Variants in ERI3 observed in about 807,000 individuals in gnomAD.
ERI3 encodes the protein ERI1 exoribonuclease family member 3.
Under a neutral mutation model 44.4 loss-of-function variants are expected in ERI3, and 18 were observed. The ratio of observed to expected loss-of-function variants is 0.41; its 90% confidence interval spans 0.28 to 0.60. The LOEUF (loss-of-function observed/expected upper bound fraction) is 0.60, where lower values mean the gene tolerates loss of function less well. ERI3 is among the 20% of genes least tolerant of loss of function. The pLI is 0.36. For missense variants in ERI3, 294 were observed against 435.5 expected, an observed-to-expected ratio of 0.68 and a Z score of 2.89; for synonymous variants, 183 against 164.8, an observed-to-expected ratio of 1.11 and a Z score of -0.84.
chr1:44,256,050 G>GCTGAGAGGTTC (rs1247519471), intron 7 of ERI3, among the ~76,000 whole-genome samples: 17 of 152,116 alleles, frequency 1.1e-4, no homozygotes, highest in Non-Finnish European at 2.4e-4. Context: ...CTCCCATTAT[G>GCTGAGAGGTTC]CTGAGAGGTT....
chr1:44,286,938 C>T (rs923161949), intron 6 of ERI3, among the ~76,000 whole-genome samples: 1 of 152,160 alleles, frequency 6.6e-6, no homozygotes, highest in African/African-American at 2.4e-5. Flanking sequence ...CCAACCTATC[C>T]CCATTCCCAA....
At chr1:44,323,558 C>G (rs76908187) in intron 3 of ERI3, among the ~76,000 whole-genome samples, 9 of 152,226 alleles carry the variant, frequency 5.9e-5, no homozygotes, top group African/African-American at 2.2e-4. Flanking sequence ...TGAAAGGTGG[C>G]TCCTCTCTCT....
chr1:44,235,490 T>C lies in ERI3; in HGVS notation c.931+12449A>G, dbSNP rs963042649. Reference sequence around the variant, plus strand: ...CACCTCCTGCTAGACCATGAACTCTTTGAGGGCACAGGTGTTATCCACAGA... The same window carrying C: ...CACCTCCTGCTAGACCATGAACTCTCTGAGGGCACAGGTGTTATCCACAGA... On this transcript the variant is annotated intron_variant, in intron 8 of 8. Coordinates refer to ENST00000372257, the MANE Select transcript of ERI3 (RefSeq NM_024066.3). The surrounding 1 kb of genome is among the most constrained non-coding windows in gnomAD (Gnocchi z 4.6). Among the ~76,000 whole-genome samples the C allele has an allele frequency of 1.3e-5, 2 of 152,088 alleles. No individual in the cohort carries two copies. Among genetic ancestry groups the C allele is most frequent in the African/African-American group, 2.4e-5 (1 of 41,396 alleles).
chr1:44,327,643 A>G (rs1646342694), intron 3 of ERI3, among the ~76,000 whole-genome samples: 1 of 152,186 alleles, frequency 6.6e-6, no homozygotes. Flanking sequence ...TTTGGAATCT[A>G]TGCTTTTAAC....
intron 7 of ERI3, among the ~76,000 whole-genome samples, chr1:44,256,183 G>A (rs1644776388): frequency 6.6e-6 from 1 of 152,070 alleles, no homozygotes; most frequent in Admixed American, 6.5e-5. Flanking sequence ...TACCAAGCCT[G>A]GAGGCCTGGT....
At chr1:44,283,387 A>G (rs1344627023) in intron 7 of ERI3, among the ~76,000 whole-genome samples, 1 of 152,178 alleles carries the variant, frequency 6.6e-6, no homozygotes, top group African/African-American at 2.4e-5. Flanking sequence ...TTCAACTGAG[A>G]TAAGTGATTT....
rs547640431 is a variant in ERI3, at chr1:44,263,461, T to C, written c.832-15423A>G. Among the ~76,000 whole-genome samples, 50 of 152,340 alleles carry C rather than the reference T, an allele frequency of 3.3e-4. No individual in the cohort carries two copies. The East Asian group carries it at 8.1e-3, about 25-fold the overall frequency. ...GTTCCAGAAACTTGGAATGGATCTCTGGTCCTTCTTCCACTAAGAGCCTGT... is the reference window on the plus strand; with the variant it reads ...GTTCCAGAAACTTGGAATGGATCTCCGGTCCTTCTTCCACTAAGAGCCTGT... On this transcript the variant is annotated intron_variant, in intron 7 of 8. Transcript: ENST00000372257.
In ERI3 at chr1:44,259,744, C is replaced by T. The variant is rs186953944; in HGVS notation, c.832-11706G>A. On this transcript the variant is annotated intron_variant, in intron 7 of 8. Coordinates refer to ENST00000372257, the MANE Select transcript of ERI3 (RefSeq NM_024066.3). ...CACACAAATTAGCCAGGCATGGTGA[C>T]GTGCACCTGTGATCCTAGTTACTAG... Among the ~76,000 whole-genome samples, 7 of 135,358 alleles carry T rather than the reference C, an allele frequency of 5.2e-5. No individual in the cohort carries two copies. The East Asian group carries it at 8.6e-4, about 17-fold the overall frequency. 88.8% of individuals were successfully genotyped at this position (135,358 alleles called of 152,430 possible).
intron 1 of ERI3, chr1:44,354,449 G>A (rs1646956221): frequency 2.0e-6 from 2 of 985,250 alleles, no homozygotes; most frequent in South Asian, 9.4e-5. Context: ...GAAAACACCT[G>A]TTGCTGGACC....
intron 7 of ERI3, chr1:44,284,100 C>T (rs1416206923): frequency 2.1e-6 from 1 of 470,502 alleles, no homozygotes; most frequent in East Asian, 6.9e-5. Flanking sequence ...GGGGGTGAGT[C>T]TCCCTAGTGG....
chr1:44,337,399 G>C (rs145528774), intron 3 of ERI3, among the ~76,000 whole-genome samples: 315 of 152,304 alleles, frequency 2.1e-3, no homozygotes, highest in African/African-American at 7.3e-3. Context: ...CAACATGGGA[G>C]AATCTTAATA....
intron 7 of ERI3, among the ~76,000 whole-genome samples, chr1:44,269,451 C>T (rs542489467): frequency 1.3e-5 from 2 of 152,324 alleles, no homozygotes; most frequent in East Asian, 3.9e-4. Flanking sequence ...GGCACATTCA[C>T]CCACATTCCC....
intron 7 of ERI3, among the ~76,000 whole-genome samples, chr1:44,251,232 T>G (rs1421129339): frequency 6.6e-6 from 1 of 152,232 alleles, no homozygotes; most frequent in Non-Finnish European, 1.5e-5. Context: ...CACCACTCAC[T>G]TTTAAAGCCC....
chr1:44,251,427 T>C (rs1253878613), intron 7 of ERI3, among the ~76,000 whole-genome samples: 1 of 152,224 alleles, frequency 6.6e-6, no homozygotes, highest in Non-Finnish European at 1.5e-5. Flanking sequence ...CTGGGAGTCC[T>C]GATCAGGGTG....
intron 4 of ERI3, 62 bp downstream of exon 4, chr1:44,319,566 G>T: frequency 8.7e-7 from 1 of 1,151,782 alleles, no homozygotes; most frequent in Non-Finnish European, 1.3e-6. Context: ...CCTATATAGA[G>T]CACCAAGGAT....
At chr1:44,280,767 C>T (rs1645268530) in intron 7 of ERI3, among the ~76,000 whole-genome samples, 2 of 152,148 alleles carry the variant, frequency 1.3e-5, no homozygotes, top group Non-Finnish European at 2.9e-5. Flanking sequence ...ATATTTAATA[C>T]CCTTTAACAG....
rs1378494960 is a variant in ERI3 at position 44,309,496 on chromosome 1, A to C, written c.667-1095T>G. The stretch of plus-strand genomic sequence containing the variant: ...GGTGACAGAGCGAGACTCTGTAAAA[A>C]ATAAATAAATAATAAATAAAAAGAA... On this transcript the variant is annotated intron_variant, in intron 5 of 8. Coordinates refer to ENST00000372257, the MANE Select transcript of ERI3 (RefSeq NM_024066.3). Among the ~76,000 whole-genome samples, 4 of 151,972 alleles carry C rather than the reference A, an allele frequency of 2.6e-5. No individual in the cohort carries two copies. The East Asian group carries it at 7.7e-4, about 29-fold the overall frequency.
At chr1:44,310,960 C>CGCGCGCGCGT (rs1645951965) in intron 5 of ERI3, among the ~76,000 whole-genome samples, 1 of 81,790 alleles carries the variant, frequency 1.2e-5, no homozygotes, top group Non-Finnish European at 2.4e-5. Context: ...ATCGCGCGCG[C>CGCGCGCGCGT]GCGCACACAC....
chr1:44,235,930 C>T lies in ERI3; in HGVS notation c.931+12009G>A, dbSNP rs1047237368. Among the ~76,000 whole-genome samples, 7 of 152,206 alleles carry T rather than the reference C, an allele frequency of 4.6e-5. No homozygotes were observed. The highest frequency in any genetic ancestry group is 1.7e-4 in the African/African-American group (7 of 41,464). On this transcript the variant is annotated intron_variant, in intron 8 of 8. Coordinates refer to ENST00000372257, the MANE Select transcript of ERI3 (RefSeq NM_024066.3). The surrounding 1 kb of genome is among the most constrained non-coding windows in gnomAD (Gnocchi z 4.6). Reference sequence around the variant, plus strand: ...GGAAGGGGGGATGCCCTCCCTAAGCCGTGTCCCACCTGGTAAATATTTCAT... The same window carrying T: ...GGAAGGGGGGATGCCCTCCCTAAGCTGTGTCCCACCTGGTAAATATTTCAT...
Sources: gnomAD v4.1 joint callset for allele counts (sites outside exome capture counted in the v4.1 genomes callset) on GRCh38, gnomAD v4.1.1 for gene constraint, Gnocchi (gnomAD v3.1) non-coding constraint, MANE v1.5 for transcripts, NCBI Gene and HGNC (gene_info 2026-07-23, HGNC 2026-07-21) for gene names.